DLG2: variants seen among roughly 807,000 people sequenced by gnomAD.
DLG2 encodes the protein disks large homolog 2.
Under a neutral mutation model 132.5 loss-of-function variants are expected in DLG2, and 45 were observed. The observed-to-expected ratio is 0.34, with a 90% CI of 0.27 to 0.44. The LOEUF (loss-of-function observed/expected upper bound fraction) is 0.44. Ranked by LOEUF, DLG2 falls within the 20% of genes least tolerant of loss-of-function variation. The probability of loss-of-function intolerance (pLI) is 1.00; values close to 1 mark genes in which losing one functional copy is unlikely to be tolerated. For missense variants in DLG2, 1,045 were observed against 1,196.9 expected, an observed-to-expected ratio of 0.87 and a Z score of 1.87; for synonymous variants, 424 against 419.6, an observed-to-expected ratio of 1.01 and a Z score of -0.13.
chr11:83,918,483 G>C (rs1366883788), intron 15 of DLG2, among the ~76,000 whole-genome samples: 2 of 152,122 alleles, frequency 1.3e-5, no homozygotes, highest in Admixed American at 1.3e-4. Context: ...TCTAAGAAAA[G>C]GTTTGTTGCT....
intron 9 of DLG2, among the ~76,000 whole-genome samples, chr11:84,135,284 T>C: frequency 6.6e-6 from 1 of 152,258 alleles, no homozygotes; most frequent in East Asian, 1.9e-4. Context: ...TGGAAAATTT[T>C]CACCCATAAA....
chr11:84,304,360 G>A (rs1422620525), intron 7 of DLG2, among the ~76,000 whole-genome samples: 1 of 152,160 alleles, frequency 6.6e-6, no homozygotes, highest in African/African-American at 2.4e-5. Context: ...TTGCAGGATC[G>A]CATGTTAAAT....
At chr11:84,317,318 A>C in intron 7 of DLG2, 2 of 1,428,128 alleles carry the variant, frequency 1.4e-6, no homozygotes, top group Non-Finnish European at 1.8e-6. Flanking sequence ...CAGCGACAGC[A>C]GCTCCGCACA....
In DLG2 at chr11:85,492,064, T is replaced by G. The variant is rs576371605; in HGVS notation, c.40+106593A>C. ...CAGACACATAAATCAATGGTAAGAATAGTTAACAATGTAATATATTCTTGA... is the reference window on the plus strand; with the variant it reads ...CAGACACATAAATCAATGGTAAGAAGAGTTAACAATGTAATATATTCTTGA... On this transcript the variant is annotated intron_variant, in intron 3 of 27. Transcript: ENST00000376104. Among the ~76,000 whole-genome samples, 7 of 152,182 alleles carry G rather than the reference T, an allele frequency of 4.6e-5. 1 individual carries two copies. The highest frequency in any genetic ancestry group is 1.4e-4 in the African/African-American group (6 of 41,566).
At chr11:83,669,190 C>T (rs2076394328) in intron 18 of DLG2, among the ~76,000 whole-genome samples, 1 of 152,060 alleles carries the variant, frequency 6.6e-6, no homozygotes, top group African/African-American at 2.4e-5. Context: ...CCTGGTCCCT[C>T]TCCTCATGAA....
intron 3 of DLG2, among the ~76,000 whole-genome samples, chr11:85,399,165 G>A (rs1360463302): frequency 6.6e-6 from 1 of 152,114 alleles, no homozygotes; most frequent in Non-Finnish European, 1.5e-5. Flanking sequence ...AATCATGAGT[G>A]AACTCCCATT....
rs578079616 is a variant in DLG2, at chr11:85,224,917, C to A, written c.186+60303G>T. Among the ~76,000 whole-genome samples, 14 of 152,176 alleles carry A rather than the reference C, an allele frequency of 9.2e-5. No individual in the cohort carries two copies. The South Asian group carries it at 2.7e-3, about 29-fold the overall frequency. On this transcript the variant is annotated intron_variant, in intron 4 of 27. Coordinates refer to ENST00000376104, the MANE Select transcript of DLG2 (RefSeq NM_001142699.3). ...AACAATTTCTCATTGGATAATGTTA[C>A]CCTACCTTTTATTTTTCTTTATTTT...
intron 7 of DLG2, among the ~76,000 whole-genome samples, chr11:84,356,143 T>C (rs533881442): frequency 6.6e-6 from 1 of 152,026 alleles, no homozygotes; most frequent in Non-Finnish European, 1.5e-5. Context: ...GACTCAGTTT[T>C]TGTTTGTTTT....
At chr11:83,491,038 A>T (rs902869252) in intron 21 of DLG2, among the ~76,000 whole-genome samples, 1 of 151,920 alleles carries the variant, frequency 6.6e-6, no homozygotes, top group African/African-American at 2.4e-5. Context: ...TAATAAGGAT[A>T]AGAAAAAAGA....
intron 7 of DLG2, among the ~76,000 whole-genome samples, chr11:84,349,959 C>T (rs1354714231): frequency 1.3e-5 from 2 of 151,944 alleles, no homozygotes; most frequent in African/African-American, 4.8e-5. Flanking sequence ...GGGCAGATCA[C>T]GAGGTCAGGA....
chr11:85,026,901 T>G (rs1016366119), intron 6 of DLG2, among the ~76,000 whole-genome samples: 3 of 152,040 alleles, frequency 2.0e-5, no homozygotes, highest in East Asian at 3.9e-4. Context: ...ACAATTTCAC[T>G]CTTACAAATT....
chr11:83,889,813 A>G (rs2069164026), intron 15 of DLG2, among the ~76,000 whole-genome samples: 1 of 152,160 alleles, frequency 6.6e-6, no homozygotes. Context: ...CTTTGTAGGG[A>G]CATGGATGAA....
intron 6 of DLG2, among the ~76,000 whole-genome samples, chr11:84,842,302 A>G (rs1228215673): frequency 6.6e-6 from 1 of 152,010 alleles, no homozygotes; most frequent in Admixed American, 6.6e-5. Flanking sequence ...TCTTATCGCC[A>G]CTTTACAGAT....
intron 3 of DLG2, among the ~76,000 whole-genome samples, chr11:85,490,087 C>A (rs980485099): frequency 2.0e-5 from 3 of 151,962 alleles, no homozygotes; most frequent in Non-Finnish European, 4.4e-5. Flanking sequence ...ACTCTGGAGG[C>A]TGAGGTGAGA....
At chr11:84,986,305 AT>A (rs901631815) in intron 6 of DLG2, among the ~76,000 whole-genome samples, 5 of 152,148 alleles carry the variant, frequency 3.3e-5, no homozygotes, top group African/African-American at 1.2e-4. Flanking sequence ...TGAAATGGTA[AT>A]TTAAAAAACT....
chr11:84,574,695 T>G (rs2099494909), intron 6 of DLG2, among the ~76,000 whole-genome samples: 1 of 152,164 alleles, frequency 6.6e-6, no homozygotes, highest in Admixed American at 6.6e-5. Flanking sequence ...GTCCATAGCA[T>G]TCCACATTTT....
At chr11:83,732,961 G>T (rs1187144337) in intron 18 of DLG2, among the ~76,000 whole-genome samples, 1 of 152,142 alleles carries the variant, frequency 6.6e-6, no homozygotes, top group Non-Finnish European at 1.5e-5. Context: ...TGACTCAATG[G>T]CTGGGCGCGA....
intron 7 of DLG2, among the ~76,000 whole-genome samples, chr11:84,289,573 GTTC>G (rs1334837642): frequency 6.6e-6 from 1 of 151,978 alleles, no homozygotes; most frequent in Non-Finnish European, 1.5e-5. Context: ...TTAGAAGCAA[GTTC>G]TTCTAAATAA....
chr11:84,923,064 C>T (rs747545048), intron 6 of DLG2: 36 of 1,613,864 alleles, frequency 2.2e-5, no homozygotes, highest in Middle Eastern at 1.6e-4. Context: ...GTTGCCGGCT[C>T]GCCTCCTCTT....
Sources: allele counts gnomAD v4.1 joint callset (sites outside exome capture counted in the v4.1 genomes callset), GRCh38; gene constraint gnomAD v4.1.1; transcripts MANE v1.5; gene names NCBI Gene and HGNC (gene_info 2026-07-23, HGNC 2026-07-21).